The following EGF variants were observed in gnomAD, a reference collection of about 807,000 sequenced individuals.
EGF encodes epidermal growth factor.
Under a neutral mutation model 143.8 loss-of-function variants are expected in EGF, and 95 were observed. The ratio of observed to expected loss-of-function variants is 0.66; its 90% CI spans 0.56 to 0.78. The LOEUF is 0.78. Among genes scored for constraint, EGF ranks in the 30% least tolerant of loss-of-function variants. The probability of loss-of-function intolerance (pLI) is 0.00; values close to 1 mark genes in which losing one functional copy is unlikely to be tolerated. For synonymous variants in EGF, 510 were observed against 510.5 expected (o/e 1.00, Z 0.01); for missense variants, 1,320 against 1,470.9 (o/e 0.90, Z 1.68).
intron 1 of EGF, among the ~76,000 whole-genome samples, chr4:109,914,194 TCTAA>T (rs1736191849): frequency 6.6e-6 from 1 of 152,220 alleles, no homozygotes; most frequent in African/African-American, 2.4e-5. Context: ...ACATTCTCTC[TCTAA>T]CTGTTAATTC....
chr4:109,929,934 G>A (rs1739389372), intron 1 of EGF, among the ~76,000 whole-genome samples: 1 of 152,208 alleles, frequency 6.6e-6, no homozygotes, highest in Non-Finnish European at 1.5e-5. Context: ...GGTGTTGAGG[G>A]AGAGACCTGG....
rs1212691840 is a variant in EGF at position 109,993,340 on chromosome 4, G to A, written c.2828G>A (p.Arg943His). ...GGCTATACCTGCATGTGTGCTGGAC[G>A]CCTGTCTGAACCAGGACTGATTTGC... ...EGGYTCMCAG[R>H]LSEPGLICPD... Residue 943 changes from arginine to histidine, a missense_variant, in exon 19 of 24, where the codon CGC becomes CAC. Around this residue, in one of 5 missense-constraint regions of EGF, gnomAD observed 1,186 missense variants for 1,313.7 expected, o/e 0.90. Coordinates refer to ENST00000265171, the MANE Select transcript of EGF (RefSeq NM_001963.6). 4.3e-6 allele frequency: 7 copies of A among 1,613,652 alleles called. No homozygotes were observed. Among genetic ancestry groups the A allele is most frequent in the Non-Finnish European group, 4.2e-6 (5 of 1,179,862 alleles).
chr4:110,000,747 A>G (rs1371300305), intron 21 of EGF, among the ~76,000 whole-genome samples: 1 of 152,206 alleles, frequency 6.6e-6, no homozygotes, highest in South Asian at 2.1e-4. Flanking sequence ...ATTATCATCA[A>G]TATTGAAAAG....
chr4:109,962,419 A>G, intron 8 of EGF, among the ~76,000 whole-genome samples: 1 of 152,346 alleles, frequency 6.6e-6, no homozygotes. Context: ...ATAGAGACTT[A>G]AGTATATAGA....
At chr4:109,987,892 A>G (rs6836311) in intron 17 of EGF, 32 bp downstream of exon 17, 2 of 1,508,830 alleles carry the variant, frequency 1.3e-6, no homozygotes, top group Middle Eastern at 1.7e-4. Context: ...ACATATTTGG[A>G]CAATACTGAA....
chr4:109,955,622 T>C (rs1744670161), intron 5 of EGF, among the ~76,000 whole-genome samples: 1 of 152,156 alleles, frequency 6.6e-6, no homozygotes, highest in Non-Finnish European at 1.5e-5. Context: ...CATGGTATAG[T>C]GGAAAAAGTA....
At chr4:109,981,543 T>C (rs189616670) in intron 15 of EGF, among the ~76,000 whole-genome samples, 260 of 152,342 alleles carry the variant, frequency 1.7e-3, no homozygotes, top group African/African-American at 6.0e-3. Flanking sequence ...CTCCCTTGAA[T>C]GTGCACCCAA....
chr4:109,990,868 C>A (rs1236583490), intron 18 of EGF, among the ~76,000 whole-genome samples: 1 of 152,178 alleles, frequency 6.6e-6, no homozygotes, highest in East Asian at 1.9e-4. Context: ...GACACCGATG[C>A]TATTGGATTA....
At chr4:109,994,616 C>T in intron 19 of EGF, 117 bp from the exon 20 acceptor site, 1 of 1,207,878 alleles carries the variant, frequency 8.3e-7, no homozygotes, top group East Asian at 2.4e-5. Context: ...TCTAGTAGTT[C>T]TTCTGTCACT....
At chr4:109,962,812 A>C (rs1486298205) in intron 8 of EGF, among the ~76,000 whole-genome samples, 1 of 152,164 alleles carries the variant, frequency 6.6e-6, no homozygotes, top group African/African-American at 2.4e-5. Flanking sequence ...CATGCCTGGA[A>C]TCCTAGCATT....
rs766515514 is a variant in EGF, at chr4:109,994,864, G to A, written c.2989G>A (p.Asp997Asn). The A allele has an allele frequency of 6.2e-7, 1 of 1,614,120 alleles. No homozygotes were observed. Among genetic ancestry groups the A allele is most frequent in the South Asian group, 1.1e-5 (1 of 91,080 alleles). Residue 997 changes from aspartate to asparagine, a missense_variant, in exon 20 of 24, where the codon GAC (aspartate) becomes AAC (asparagine). Around this residue, in one of 5 missense-constraint regions of EGF, gnomAD observed 1,186 missense variants for 1,313.7 expected, o/e 0.90. Transcript: ENST00000265171. Reference protein sequence around the residue: ...DGVCMYIEALDKYACNCVVGY... With the variant: ...DGVCMYIEALNKYACNCVVGY... ...TGTGTGCATGTATATTGAAGCATTG[G>A]ACAAGTATGCATGCAAGTAAGTTAA...
chr4:109,943,851 T>C lies in EGF; in HGVS notation c.519T>C (p.Phe173=). The C allele has an allele frequency of 6.2e-7, 1 of 1,614,196 alleles. No homozygotes were observed. Among genetic ancestry groups the C allele is most frequent in the Non-Finnish European group, 8.5e-7 (1 of 1,180,030 alleles). ...VAVDPVERFI[F]WSSEVAGSLY... The stretch of plus-strand genomic sequence containing the variant: ...ATGTGTTTGCCCTCAGGTTTATATT[T>C]TGGTCTTCAGAGGTGGCTGGAAGCC... The change falls in exon 4 of 24, where the codon TTT becomes TTC. Residue 173 remains phenylalanine (F), a synonymous_variant. Coordinates refer to ENST00000265171, the MANE Select transcript of EGF (RefSeq NM_001963.6).
chr4:109,976,429 G>A lies in EGF; in HGVS notation c.2053+194G>A, dbSNP rs11568995. ...AATACGGGGTAAAAAATAGTGTTGC[G>A]TAATCATTTCTCTTTCTGAGAAGTC... On this transcript the variant is annotated intron_variant, in intron 13 of 23. Transcript: ENST00000265171. Among the ~76,000 whole-genome samples the A allele has an allele frequency of 0.027, 4,111 of 152,202 alleles. 76 individuals carry two copies. The highest frequency in any genetic ancestry group is 0.045 in the African/African-American group (1,869 of 41,534).
chr4:109,914,324 G>A (rs1191284707), intron 1 of EGF, among the ~76,000 whole-genome samples: 2 of 152,172 alleles, frequency 1.3e-5, no homozygotes, highest in Admixed American at 1.3e-4. Context: ...GCCCTTTTGA[G>A]ATGGCGTCTG....
chr4:109,930,043 C>T (rs985282050), intron 1 of EGF, among the ~76,000 whole-genome samples: 1 of 152,096 alleles, frequency 6.6e-6, no homozygotes, highest in Non-Finnish European at 1.5e-5. Flanking sequence ...GGGGCTTCAC[C>T]GCTTTGCTGT....
intron 1 of EGF, among the ~76,000 whole-genome samples, chr4:109,921,108 C>A (rs1271812141): frequency 6.6e-6 from 1 of 151,592 alleles, no homozygotes; most frequent in African/African-American, 2.4e-5. Context: ...ATGTTTTACT[C>A]TCTTGTTTTA....
chr4:110,005,972 C>A (rs1265590438), intron 22 of EGF, among the ~76,000 whole-genome samples: 3 of 152,128 alleles, frequency 2.0e-5, no homozygotes, highest in Non-Finnish European at 4.4e-5. Context: ...AGGTGATCAT[C>A]TTTTCCTACC....
At chr4:110,004,397 G>A (rs1752982564) in intron 21 of EGF, 108 bp from the exon 22 acceptor site, 2 of 898,600 alleles carry the variant, frequency 2.2e-6, no homozygotes, top group Non-Finnish European at 3.7e-6. Flanking sequence ...TCCCACACAA[G>A]TACTTAAATT....
intron 12 of EGF, 101 bp from the exon 13 acceptor site, chr4:109,975,911 A>G: frequency 7.8e-7 from 1 of 1,286,286 alleles, no homozygotes; most frequent in South Asian, 1.2e-5. Context: ...GTACCACTTT[A>G]GTATATCATG....
Sources: allele counts gnomAD v4.1 joint callset (sites outside exome capture counted in the v4.1 genomes callset), GRCh38; gene constraint gnomAD v4.1.1; regional missense constraint gnomAD v4.1.1; transcripts MANE v1.5; gene names NCBI Gene and HGNC (gene_info 2026-07-23, HGNC 2026-07-21).